PCGF5: variants seen among roughly 807,000 people sequenced by gnomAD.
The protein encoded by PCGF5 is polycomb group ring finger 5, also known as polycomb group RING finger protein 5.
PCGF5 carries 9 observed loss-of-function variants against 44.3 expected under a neutral mutation model. The ratio of observed to expected loss-of-function variants is 0.20; its 90% CI spans 0.12 to 0.35. The LOEUF (loss-of-function observed/expected upper bound fraction) is 0.35, where lower values mean the gene tolerates loss of function less well. PCGF5 is among the 10% of genes least tolerant of loss of function. The probability of loss-of-function intolerance (pLI) is 1.00; values close to 1 mark genes in which losing one functional copy is unlikely to be tolerated. For missense variants in PCGF5, 146 were observed against 305.3 expected, an observed-to-expected ratio of 0.48 and a Z score of 3.89; for synonymous variants, 95 against 102.5, an observed-to-expected ratio of 0.93 and a Z score of 0.44.
Position 91,280,081 on chromosome 10 carries a change from G to C in PCGF5, c.*1765G>C, listed in dbSNP as rs977247071. 1 of 151,866 alleles carries C rather than the reference G, an allele frequency of 6.6e-6. No homozygotes were observed. Among genetic ancestry groups the C allele is most frequent in the African/African-American group, 2.4e-5 (1 of 41,382 alleles). 9.4% of individuals were successfully genotyped at this position (151,866 alleles called of 1,614,324 possible). ...GTTACATTGTTTTTGTTCTTGGAAT[G>C]GCTCACAAGCAGAATTTAAAAGGCA... On this transcript the variant is annotated 3_prime_UTR_variant, in exon 10 of 10. Coordinates refer to ENST00000336126, the MANE Select transcript of PCGF5 (RefSeq NM_032373.5).
rs951108137 is a variant in PCGF5, at chr10:91,281,545, G to T, written c.*3229G>T. On this transcript the variant is annotated 3_prime_UTR_variant, in exon 10 of 10. Transcript: ENST00000336126. ...TATGAATGGTTTCATATCTAAATAG[G>T]CTCTTGTAAGTTAATTTTTTTGGAA... 1 of 152,438 alleles carries T rather than the reference G, an allele frequency of 6.6e-6. No individual in the cohort carries two copies. The highest frequency in any genetic ancestry group is 2.4e-5 in the African/African-American group (1 of 41,414). 9.4% of individuals were successfully genotyped at this position (152,438 alleles called of 1,614,324 possible).
Position 91,196,194 on chromosome 10 carries a change from G to A in PCGF5, c.-183-26495G>A, listed in dbSNP as rs538896712. Among the ~76,000 whole-genome samples, 72 of 152,238 alleles carry A rather than the reference G, an allele frequency of 4.7e-4. 1 individual carries two copies. The highest frequency in any genetic ancestry group is 1.7e-3 in the African/African-American group (72 of 41,530). ...GCACATGTGACAGTGCAGCTGAAGT[G>A]ACATTCTGTCAGCAAGGGCTAGAAT... On this transcript the variant is annotated intron_variant, in intron 1 of 9. Coordinates refer to the PCGF5 transcript ENST00000614189.
At chr10:91,207,381 T>C (rs75082454) in intron 1 of PCGF5, among the ~76,000 whole-genome samples, 1,688 of 152,334 alleles carry the variant, frequency 0.011, 30 homozygotes, top group African/African-American at 0.039. Context: ...TCCGTATATC[T>C]CTCACTTAGA....
intron 1 of PCGF5, among the ~76,000 whole-genome samples, chr10:91,181,439 T>G (rs553476772): frequency 6.6e-6 from 1 of 152,358 alleles, no homozygotes; most frequent in South Asian, 2.1e-4. Flanking sequence ...GTGCCAGTTT[T>G]CAAGGGGAAT....
chr10:91,197,320 C>T (rs976795165), intron 1 of PCGF5, among the ~76,000 whole-genome samples: 4 of 152,096 alleles, frequency 2.6e-5, no homozygotes, highest in Non-Finnish European at 4.4e-5. Flanking sequence ...TCCTCGGGCA[C>T]GTCCCTCTCT....
intron 1 of PCGF5, among the ~76,000 whole-genome samples, chr10:91,183,169 A>G (rs138416652): frequency 1.6e-4 from 25 of 152,214 alleles, no homozygotes; most frequent in Non-Finnish European, 7.4e-5. Context: ...TTCTGTCTCA[A>G]TGATCTAATA....
chr10:91,227,924 A>G (rs1844892650), intron 2 of PCGF5: 1 of 980,302 alleles, frequency 1.0e-6, no homozygotes, highest in Non-Finnish European at 1.2e-6. Context: ...GTGTCTCAAT[A>G]AAATCTTAAA....
In PCGF5 at chr10:91,281,967, T is replaced by A. The variant is rs1407749981; in HGVS notation, c.*3651T>A. The A allele has an allele frequency of 6.6e-6, 1 of 152,194 alleles. No individual in the cohort carries two copies. Among genetic ancestry groups the A allele is most frequent in the Non-Finnish European group, 1.5e-5 (1 of 68,032 alleles). 9.4% of individuals were successfully genotyped at this position (152,194 alleles called of 1,614,324 possible). A position where few individuals can be genotyped will look rare whatever the true frequency, so the allele number is the denominator to read the frequency against. On this transcript the variant is annotated 3_prime_UTR_variant, in exon 10 of 10. Coordinates refer to ENST00000336126, the MANE Select transcript of PCGF5 (RefSeq NM_032373.5). Reference sequence around the variant, plus strand: ...GAAAAGAAAGTTCAGATTTTTAATTTGAGAGGGTTTTTATTTCATGGAGGC... The same window carrying A: ...GAAAAGAAAGTTCAGATTTTTAATTAGAGAGGGTTTTTATTTCATGGAGGC...
intron 2 of PCGF5, among the ~76,000 whole-genome samples, chr10:91,234,177 A>G (rs1390612132): frequency 6.6e-6 from 1 of 152,244 alleles, no homozygotes; most frequent in African/African-American, 2.4e-5. Flanking sequence ...GGATAGCTCT[A>G]TAATAGTTCA....
At chr10:91,170,483 C>T (rs1379002374) in intron 1 of PCGF5, among the ~76,000 whole-genome samples, 2 of 152,312 alleles carry the variant, frequency 1.3e-5, no homozygotes, top group East Asian at 3.9e-4. Context: ...AGAAGATACA[C>T]AGATGGCAAA....
chr10:91,248,835 T>C (rs1954862938), intron 5 of PCGF5, 111 bp downstream of exon 5: 1 of 862,358 alleles, frequency 1.2e-6, no homozygotes, highest in Non-Finnish European at 1.8e-6. Flanking sequence ...TGCACAAAAT[T>C]CATGCACCCT....
intron 1 of PCGF5, among the ~76,000 whole-genome samples, chr10:91,198,959 C>T (rs1326862823): frequency 6.6e-6 from 1 of 152,200 alleles, no homozygotes; most frequent in Admixed American, 6.5e-5. Context: ...CTGTGATTGC[C>T]TCATCTGAGT....
chr10:91,172,338 G>A (rs1843623573), intron 1 of PCGF5, among the ~76,000 whole-genome samples: 1 of 152,076 alleles, frequency 6.6e-6, no homozygotes, highest in African/African-American at 2.4e-5. Flanking sequence ...AGAATCATTT[G>A]AACCCAGGAG....
At chr10:91,256,038 G>A (rs1394467533) in intron 6 of PCGF5, among the ~76,000 whole-genome samples, 1 of 151,824 alleles carries the variant, frequency 6.6e-6, no homozygotes, top group Non-Finnish European at 1.5e-5. Flanking sequence ...GTGATTGCTT[G>A]AATTCACAAA....
rs1846205716 is a variant in PCGF5 at position 91,272,583 on chromosome 10, G to T, written c.723+886G>T. Among the ~76,000 whole-genome samples, 3 of 152,246 alleles carry T rather than the reference G, an allele frequency of 2.0e-5. No individual in the cohort carries two copies. In the South Asian group the frequency reaches 6.2e-4, roughly 32 times the overall value. On this transcript the variant is annotated intron_variant, in intron 9 of 9. Transcript: ENST00000336126. Reference sequence around the variant, plus strand: ...AGTCCAGGAGTTTGAGACCAGCCTTGACAACATGGTGAAACCCTATCTCTA... The same window carrying T: ...AGTCCAGGAGTTTGAGACCAGCCTTTACAACATGGTGAAACCCTATCTCTA...
intron 1 of PCGF5, among the ~76,000 whole-genome samples, chr10:91,185,352 C>G (rs1331044170): frequency 6.6e-6 from 1 of 152,204 alleles, no homozygotes; most frequent in African/African-American, 2.4e-5. Context: ...TGGGTTTGGA[C>G]TCTCCAAAGC....
At position 91,261,337 on chromosome 10, in the gene PCGF5, G is replaced by A; in HGVS notation, c.486G>A (p.Lys162=). ...SGDNVVKGLM[K]KFIRCSTRVT... is the part of the protein sequence containing the mutation. The stretch of plus-strand genomic sequence containing the variant: ...TTTATTTCCTTTAGGGTTTAATGAA[G>A]AAATTCATTCGATGTTCTACACGTG... The change falls in exon 7 of 10, where the codon AAG becomes AAA. Residue 162 remains lysine, a synonymous_variant. Transcript: ENST00000336126. 3 of 1,497,608 alleles carry A rather than the reference G, an allele frequency of 2.0e-6. No individual in the cohort carries two copies. Among genetic ancestry groups the A allele is most frequent in the East Asian group, 2.3e-5 (1 of 42,946 alleles). 92.8% of individuals were successfully genotyped at this position (1,497,608 alleles called of 1,614,324 possible).
At chr10:91,238,077 A>G (rs1374672330) in intron 2 of PCGF5, among the ~76,000 whole-genome samples, 1 of 152,238 alleles carries the variant, frequency 6.6e-6, no homozygotes, top group Non-Finnish European at 1.5e-5. Context: ...TTCAAAATGT[A>G]ATTAATATAA....
At chr10:91,188,187 G>T (rs936360584) in intron 1 of PCGF5, among the ~76,000 whole-genome samples, 3 of 152,202 alleles carry the variant, frequency 2.0e-5, no homozygotes, top group African/African-American at 7.2e-5. Context: ...TCTCACTAGG[G>T]AGTACCAGAC....
Sources: allele counts gnomAD v4.1 joint callset (sites outside exome capture counted in the v4.1 genomes callset), GRCh38; gene constraint gnomAD v4.1.1; transcripts MANE v1.5; gene names NCBI Gene and HGNC (gene_info 2026-07-23, HGNC 2026-07-21).